NR3C2: variants seen among roughly 807,000 people sequenced by gnomAD.
The protein encoded by NR3C2 is nuclear receptor subfamily 3 group C member 2.
A neutral mutation model predicts 86.4 loss-of-function variants in NR3C2; 15 were observed. The ratio of observed to expected loss-of-function variants is 0.17; its 90% CI spans 0.12 to 0.27. The LOEUF is 0.27. NR3C2 is among the 10% of genes least tolerant of loss of function. NR3C2 has a pLI of 1.00. For synonymous variants in NR3C2, 458 were observed against 450.5 expected (o/e 1.02, Z -0.21); for missense variants, 960 against 1,195.6 (o/e 0.80, Z 2.91).
chr4:148,416,883 C>T (rs189838755), intron 2 of NR3C2, among the ~76,000 whole-genome samples: 2 of 152,098 alleles, frequency 1.3e-5, no homozygotes, highest in Non-Finnish European at 2.9e-5. Flanking sequence ...TCAAGTGATT[C>T]TCCTGCCTCA....
chr4:148,380,249 A>G (rs1298637684), intron 2 of NR3C2, among the ~76,000 whole-genome samples: 1 of 152,202 alleles, frequency 6.6e-6, no homozygotes, highest in Non-Finnish European at 1.5e-5. Context: ...TTCATTGGGC[A>G]TAATGTTTTC....
Position 148,324,292 on chromosome 4 carries a change from G to A in NR3C2, c.1758-64175C>T, listed in dbSNP as rs548294779. 3.7e-3 allele frequency among the ~76,000 whole-genome samples: 555 copies of A among 151,598 alleles called. 3 individuals carry two copies. Among genetic ancestry groups the A allele is most frequent in the African/African-American group, 0.013 (524 of 41,280 alleles). On this transcript the variant is annotated intron_variant, in intron 2 of 8. Coordinates refer to ENST00000358102, the MANE Select transcript of NR3C2 (RefSeq NM_000901.5). Reference sequence around the variant, plus strand: ...AGATTCATCCATGTTGTCGCAAATGGCAGGACTTTTTTCTTTTTTAAGACT... The same window carrying A: ...AGATTCATCCATGTTGTCGCAAATGACAGGACTTTTTTCTTTTTTAAGACT...
intron 2 of NR3C2, among the ~76,000 whole-genome samples, chr4:148,401,223 A>G (rs1178219337): frequency 2.0e-5 from 3 of 152,156 alleles, no homozygotes; most frequent in African/African-American, 4.8e-5. Flanking sequence ...TGCATCTACT[A>G]TGTGGAATCA....
intron 6 of NR3C2, among the ~76,000 whole-genome samples, chr4:148,125,325 G>C (rs932509844): frequency 3.3e-5 from 5 of 152,176 alleles, no homozygotes; most frequent in African/African-American, 1.2e-4. Context: ...TATTGTCCTT[G>C]TTAGTAGACA....
chr4:148,263,772 T>C (rs895810217), intron 2 of NR3C2, among the ~76,000 whole-genome samples: 2 of 152,132 alleles, frequency 1.3e-5, no homozygotes, highest in African/African-American at 4.8e-5. Context: ...TCACTCCCAC[T>C]GGAAACCCTG....
chr4:148,202,766 A>G (rs1736790659), intron 3 of NR3C2, among the ~76,000 whole-genome samples: 1 of 152,128 alleles, frequency 6.6e-6, no homozygotes, highest in African/African-American at 2.4e-5. Flanking sequence ...ATCCTAAGAA[A>G]GGCCCTAAGG....
At chr4:148,277,923 A>C (rs1202880728) in intron 2 of NR3C2, among the ~76,000 whole-genome samples, 8 of 152,242 alleles carry the variant, frequency 5.3e-5, no homozygotes, top group Non-Finnish European at 1.0e-4. Flanking sequence ...GAAGGCCCAA[A>C]ATGTGAGTCA....
rs553267099 is a variant in NR3C2 at position 148,226,492 on chromosome 4, C to G, written c.1898-31630G>C. ...TATATGCATATACATAGTTTACCCA[C>G]ATTATGAATAAAGATGCTATGAACA... On this transcript the variant is annotated intron_variant, in intron 3 of 8. Transcript: ENST00000358102. Among the ~76,000 whole-genome samples, 16 of 152,228 alleles carry G rather than the reference C, an allele frequency of 1.1e-4. No homozygotes were observed. The East Asian group carries it at 3.1e-3, about 29-fold the overall frequency.
intron 3 of NR3C2, among the ~76,000 whole-genome samples, chr4:148,200,868 G>A (rs1486874034): frequency 1.3e-5 from 2 of 151,932 alleles, no homozygotes; most frequent in Non-Finnish European, 2.9e-5. Context: ...TAGTCTACCT[G>A]CCTCTACTAA....
Position 148,152,622 on chromosome 4 carries a change from CA to C in NR3C2, c.2366-10del, listed in dbSNP as rs1437774033. ...AGGCAAGTTTTTAAATCCTGAAGAA[CA>C]AAACAATTAATCACAGAAATACACT... On this transcript the variant is annotated splice_polypyrimidine_tract_variant and intron_variant, in intron 5 of 8. Transcript: ENST00000358102. 6 of 1,613,300 alleles carry C rather than the reference CA, an allele frequency of 3.7e-6. No individual in the cohort carries two copies. The African/African-American group carries it at 8.0e-5, about 22-fold the overall frequency.
chr4:148,279,376 C>T (rs913169608), intron 2 of NR3C2, among the ~76,000 whole-genome samples: 3 of 152,116 alleles, frequency 2.0e-5, no homozygotes, highest in Non-Finnish European at 4.4e-5. Context: ...GGACAGAACA[C>T]TAAATGAAGG....
intron 2 of NR3C2, among the ~76,000 whole-genome samples, chr4:148,322,045 C>T (rs983589040): frequency 6.6e-6 from 1 of 152,110 alleles, no homozygotes; most frequent in African/African-American, 2.4e-5. Context: ...TTTAGTGCTT[C>T]CTTCAGGAGC....
In NR3C2 at chr4:148,217,217, C is replaced by T. The variant is rs556537029; in HGVS notation, c.1898-22355G>A. ...CTCTGGAAAGTATTTAAGTCTCTGG[C>T]TGGGAGAAAACTCACCATATGAAGC... On this transcript the variant is annotated intron_variant, in intron 3 of 8. Transcript: ENST00000358102. Among the ~76,000 whole-genome samples the T allele has an allele frequency of 2.0e-5, 3 of 152,318 alleles. No individual in the cohort carries two copies. In the South Asian group the frequency reaches 6.2e-4, roughly 32 times the overall value.
At chr4:148,231,525 A>G (rs1016371131) in intron 3 of NR3C2, among the ~76,000 whole-genome samples, 1 of 152,210 alleles carries the variant, frequency 6.6e-6, no homozygotes, top group Non-Finnish European at 1.5e-5. Context: ...AATTAAAAAT[A>G]CCTTATTTCT....
intron 2 of NR3C2, among the ~76,000 whole-genome samples, chr4:148,323,982 C>A (rs2149958683): frequency 6.6e-6 from 1 of 152,286 alleles, no homozygotes; most frequent in Admixed American, 6.5e-5. Context: ...TATCTGTCTC[C>A]ATTTCACAAA....
At chr4:148,274,530 C>T (rs906112536) in intron 2 of NR3C2, among the ~76,000 whole-genome samples, 1 of 151,876 alleles carries the variant, frequency 6.6e-6, no homozygotes, top group Admixed American at 6.6e-5. Context: ...TTGGGCAGCT[C>T]CCCCCTCGCT....
chr4:148,256,938 C>G (rs1739862306), intron 3 of NR3C2, among the ~76,000 whole-genome samples: 1 of 152,146 alleles, frequency 6.6e-6, no homozygotes, highest in Non-Finnish European at 1.5e-5. Flanking sequence ...TCATAATTTA[C>G]AGTCTGCATA....
At chr4:148,300,907 C>T (rs1375273715) in intron 2 of NR3C2, among the ~76,000 whole-genome samples, 1 of 152,124 alleles carries the variant, frequency 6.6e-6, no homozygotes, top group Non-Finnish European at 1.5e-5. Context: ...ATGAGAGGCC[C>T]TAAGATAATT....
In NR3C2 at chr4:148,080,752, C is replaced by T. The variant is rs751325270; in HGVS notation, c.*592G>A. ...CCATTCTAATTAAATAAGAAATGGA[C>T]GCTAACGAGTGTGTATACCAGTGAT... On this transcript the variant is annotated 3_prime_UTR_variant, in exon 9 of 9. Transcript: ENST00000358102. 4.0e-5 allele frequency: 14 copies of T among 353,692 alleles called. No homozygotes were observed. Among genetic ancestry groups the T allele is most frequent in the Admixed American group, 2.8e-4 (9 of 31,918 alleles). 21.9% of individuals were successfully genotyped at this position (353,692 alleles called of 1,614,324 possible).
Sources: allele counts gnomAD v4.1 joint callset (sites outside exome capture counted in the v4.1 genomes callset), GRCh38; gene constraint gnomAD v4.1.1; transcripts MANE v1.5; gene names NCBI Gene and HGNC (gene_info 2026-07-23, HGNC 2026-07-21).